Variants in ZNF804B observed in about 807,000 individuals in gnomAD.
ZNF804B encodes zinc finger protein 804B.
In ZNF804B, 80 loss-of-function variants were observed where a neutral mutation model predicts 101.4. The observed-to-expected ratio is 0.79, with a 90% CI of 0.66 to 0.95. The LOEUF (loss-of-function observed/expected upper bound fraction) is 0.95, where lower values mean the gene tolerates loss of function less well. Among genes scored for constraint, ZNF804B ranks in the 40% least tolerant of loss-of-function variants. The pLI is 0.00. For missense variants in ZNF804B, 1,673 were observed against 1,561.9 expected, an observed-to-expected ratio of 1.07 and a Z score of -1.20; for synonymous variants, 622 against 558.8, an observed-to-expected ratio of 1.11 and a Z score of -1.59.
chr7:88,965,982 A>G (rs1215519018), intron 1 of ZNF804B, among the ~76,000 whole-genome samples: 1 of 151,500 alleles, frequency 6.6e-6, no homozygotes, highest in Non-Finnish European at 1.5e-5. Context: ...CACCTCAATT[A>G]AGTAAAATTC....
chr7:89,071,458 G>A (rs1789537620), intron 1 of ZNF804B, among the ~76,000 whole-genome samples: 1 of 152,098 alleles, frequency 6.6e-6, no homozygotes. Flanking sequence ...CATTTCACGT[G>A]ATTGAGAGGT....
chr7:89,050,087 A>C (rs948329829), intron 1 of ZNF804B, among the ~76,000 whole-genome samples: 3 of 152,142 alleles, frequency 2.0e-5, no homozygotes, highest in Non-Finnish European at 4.4e-5. Context: ...TCCAATTATG[A>C]GTTTACCACA....
intron 1 of ZNF804B, among the ~76,000 whole-genome samples, chr7:89,102,157 T>C (rs1790065292): frequency 6.6e-6 from 1 of 152,024 alleles, no homozygotes; most frequent in African/African-American, 2.4e-5. Context: ...GGTGTCGGTT[T>C]TACATGATTT....
intron 1 of ZNF804B, among the ~76,000 whole-genome samples, chr7:88,946,034 A>G (rs960359358): frequency 6.6e-6 from 1 of 152,120 alleles, no homozygotes; most frequent in African/African-American, 2.4e-5. Flanking sequence ...GACATCTGCA[A>G]ACAGAGACTA....
At chr7:88,942,980 A>G (rs1018318353) in intron 1 of ZNF804B, among the ~76,000 whole-genome samples, 1 of 151,892 alleles carries the variant, frequency 6.6e-6, no homozygotes, top group East Asian at 1.9e-4. Flanking sequence ...AGAACAGAAA[A>G]ACAGTTGCAT....
intron 1 of ZNF804B, among the ~76,000 whole-genome samples, chr7:89,049,614 G>GT (rs1436303958): frequency 1.3e-5 from 2 of 151,844 alleles, no homozygotes; most frequent in Non-Finnish European, 2.9e-5. Flanking sequence ...CCTGATGAAT[G>GT]TATTTGTTCT....
At chr7:89,067,931 C>G (rs1001072420) in intron 1 of ZNF804B, among the ~76,000 whole-genome samples, 13 of 150,764 alleles carry the variant, frequency 8.6e-5, no homozygotes, top group African/African-American at 3.2e-4. Flanking sequence ...GCCTCAGCCT[C>G]ACGAGTAGCT....
At chr7:89,130,440 C>A (rs955472291) in intron 1 of ZNF804B, among the ~76,000 whole-genome samples, 1 of 151,830 alleles carries the variant, frequency 6.6e-6, no homozygotes, top group Non-Finnish European at 1.5e-5. Flanking sequence ...CCAGATGAAC[C>A]CCAAGAAGGA....
At chr7:89,230,562 C>T (rs184376411) in intron 2 of ZNF804B, among the ~76,000 whole-genome samples, 3 of 152,138 alleles carry the variant, frequency 2.0e-5, no homozygotes, top group African/African-American at 7.2e-5. Flanking sequence ...GGTATGGTAT[C>T]GTCAAGAGAA....
At chr7:88,832,967 T>C (rs1041320550) in intron 1 of ZNF804B, among the ~76,000 whole-genome samples, 1 of 152,010 alleles carries the variant, frequency 6.6e-6, no homozygotes, top group African/African-American at 2.4e-5. Context: ...GGACCATCGA[T>C]TTGAAAATAC....
intron 1 of ZNF804B, among the ~76,000 whole-genome samples, chr7:89,002,615 A>G (rs547197939): frequency 9.9e-5 from 15 of 151,974 alleles, no homozygotes; most frequent in African/African-American, 3.6e-4. Flanking sequence ...GAATGTAGTC[A>G]TTTTATCTAC....
At position 88,877,049 on chromosome 7, in the gene ZNF804B, A is replaced by ATTTTTT. The variant is rs869097226; in HGVS notation, c.108+116988_108+116993dup. On this transcript the variant is annotated intron_variant, in intron 1 of 3. Transcript: ENST00000333190. ...ATAATATATATATATATATATATAT[A>ATTTTTT]TTTTTTTTTTTTTTTTTTTTTTTTT... Among the ~76,000 whole-genome samples the ATTTTTT allele has an allele frequency of 4.2e-3, 58 of 13,916 alleles. 8 individuals are homozygous for ATTTTTT. Among genetic ancestry groups the ATTTTTT allele is most frequent in the Non-Finnish European group, 4.6e-3 (43 of 9,350 alleles). 9.1% of individuals were successfully genotyped at this position (13,916 alleles called of 152,430 possible).
chr7:89,082,365 T>C (rs1789709319), intron 1 of ZNF804B, among the ~76,000 whole-genome samples: 1 of 151,692 alleles, frequency 6.6e-6, no homozygotes, highest in African/African-American at 2.4e-5. Context: ...GCATTTCTTA[T>C]CTGATATATT....
chr7:89,071,795 C>CAT (rs1789545733), intron 1 of ZNF804B, among the ~76,000 whole-genome samples: 1 of 151,970 alleles, frequency 6.6e-6, no homozygotes, highest in Admixed American at 6.6e-5. Context: ...CACACACACA[C>CAT]ACACACACAT....
At chr7:89,086,180 G>C (rs983666150) in intron 1 of ZNF804B, among the ~76,000 whole-genome samples, 1 of 151,984 alleles carries the variant, frequency 6.6e-6, no homozygotes, top group Non-Finnish European at 1.5e-5. Flanking sequence ...GGCTTTAACT[G>C]CAGTTTTCTA....
At chr7:89,288,293 A>G (rs1790237300) in intron 2 of ZNF804B, among the ~76,000 whole-genome samples, 1 of 152,140 alleles carries the variant, frequency 6.6e-6, no homozygotes, top group South Asian at 2.1e-4. Flanking sequence ...TCTAACAGAT[A>G]TATAAGGAGT....
At chr7:89,148,222 T>C (rs1790818438) in intron 1 of ZNF804B, among the ~76,000 whole-genome samples, 1 of 152,080 alleles carries the variant, frequency 6.6e-6, no homozygotes, top group South Asian at 2.1e-4. Context: ...TATCTTAGGA[T>C]TGTTATATAT....
At position 88,876,788 on chromosome 7, in the gene ZNF804B, A is replaced by G. The variant is rs112689403; in HGVS notation, c.108+116704A>G. On this transcript the variant is annotated intron_variant, in intron 1 of 3. Coordinates refer to ENST00000333190, the MANE Select transcript of ZNF804B (RefSeq NM_181646.5). Reference sequence around the variant, plus strand: ...ATAGGTCACTTTCCAGGAGTTTTCAATATTATGCTTTAGCTCTAATAAAAT... The same window carrying G: ...ATAGGTCACTTTCCAGGAGTTTTCAGTATTATGCTTTAGCTCTAATAAAAT... 6.4e-4 allele frequency among the ~76,000 whole-genome samples: 92 copies of G among 143,320 alleles called. 1 individual carries two copies. Among genetic ancestry groups the G allele is most frequent in the African/African-American group, 2.1e-3 (79 of 36,788 alleles). The allele number at this position is 143,320 out of a possible 152,430, so 94.0% of individuals were successfully genotyped here. A position where few individuals can be genotyped will look rare whatever the true frequency, so the allele number is the denominator to read the frequency against.
At chr7:88,816,272 A>AC (rs1274239883) in intron 1 of ZNF804B, among the ~76,000 whole-genome samples, 1 of 152,154 alleles carries the variant, frequency 6.6e-6, no homozygotes, top group African/African-American at 2.4e-5. Context: ...CTAAAACCAT[A>AC]AAAGCTGCAG....
Sources: allele counts gnomAD v4.1 joint callset (sites outside exome capture counted in the v4.1 genomes callset), GRCh38; gene constraint gnomAD v4.1.1; transcripts MANE v1.5; gene names NCBI Gene and HGNC (gene_info 2026-07-23, HGNC 2026-07-21).